Variants in PLEKHM3 observed in about 807,000 individuals in gnomAD.
The protein encoded by PLEKHM3 is pleckstrin homology domain-containing family M member 3.
Under a neutral mutation model 81.8 loss-of-function variants are expected in PLEKHM3, and 45 were observed. That is an observed-to-expected ratio of 0.55 (90% CI 0.43 to 0.71). The LOEUF (loss-of-function observed/expected upper bound fraction) is 0.71. Ranked by LOEUF, PLEKHM3 falls within the 30% of genes least tolerant of loss-of-function variation. The pLI is 0.00. For synonymous variants in PLEKHM3, 352 were observed against 356.4 expected, an observed-to-expected ratio of 0.99 and a Z score of 0.14; for missense variants, 788 against 924.3, an observed-to-expected ratio of 0.85 and a Z score of 1.91.
intron 6 of PLEKHM3, among the ~76,000 whole-genome samples, chr2:207,902,602 A>C (rs1169640623): frequency 6.6e-6 from 1 of 152,194 alleles, no homozygotes; most frequent in African/African-American, 2.4e-5. Context: ...GGAAGTTTAC[A>C]ACACTAAACA....
Position 208,001,613 on chromosome 2 carries a change from G to A in PLEKHM3, c.27C>T (p.Ile9=). The stretch of plus-strand genomic sequence containing the variant: ...CCTCCGTAACTTCTAAGGCTGGGCT[G>A]ATATCATCCACTTCCAAAGCTTCCA... MEALEVDD[I]SPALEVTEEF... The change falls in exon 2 of 8, where the codon ATC becomes ATT. Residue 9 remains isoleucine (I), a synonymous_variant. Transcript: ENST00000427836. 1.2e-6 allele frequency: 2 copies of A among 1,613,924 alleles called. No individual in the cohort carries two copies. The highest frequency in any genetic ancestry group is 1.7e-6 in the Non-Finnish European group (2 of 1,179,930).
intron 7 of PLEKHM3, among the ~76,000 whole-genome samples, chr2:207,848,378 G>GT (rs893775957): frequency 6.6e-5 from 10 of 152,096 alleles, no homozygotes; most frequent in Non-Finnish European, 1.5e-4. Flanking sequence ...TTTTTGGCAG[G>GT]TAAGTAAGTG....
chr2:208,011,824 C>T lies in PLEKHM3; in HGVS notation c.-318-9867G>A, dbSNP rs1159477762. Among the ~76,000 whole-genome samples, 4 of 101,032 alleles carry T rather than the reference C, an allele frequency of 4.0e-5. No homozygotes were observed. The East Asian group carries it at 1.2e-3, about 30-fold the overall frequency. The allele number at this position is 101,032 out of a possible 152,430, so 66.3% of individuals were successfully genotyped here. ...TTTTTTTTTTTTTTTTGAGACGGAG[C>T]TTCACTCTTGTTGCCCAGGCTAGAG... On this transcript the variant is annotated intron_variant, in intron 1 of 7. Transcript: ENST00000427836.
chr2:207,876,875 C>A (rs763352832), intron 6 of PLEKHM3, among the ~76,000 whole-genome samples: 6 of 152,202 alleles, frequency 3.9e-5, no homozygotes, highest in Non-Finnish European at 5.9e-5. Flanking sequence ...CCTTCAGGCA[C>A]ATTTGTAATG....
chr2:207,977,994 G>A (rs1691378331), intron 2 of PLEKHM3, among the ~76,000 whole-genome samples: 1 of 152,200 alleles, frequency 6.6e-6, no homozygotes, highest in Non-Finnish European at 1.5e-5. Context: ...GGCTGAGGTA[G>A]GAGGATCACT....
chr2:207,824,016 G>A lies in PLEKHM3; in HGVS notation c.*4303C>T, dbSNP rs1351626281. On this transcript the variant is annotated 3_prime_UTR_variant, in exon 8 of 8. Transcript: ENST00000427836. ...ACACTTGTCTGTTTACATTAACCGAGCAGAGCTTAGTCACCCATCACTGGA... is the reference window on the plus strand; with the variant it reads ...ACACTTGTCTGTTTACATTAACCGAACAGAGCTTAGTCACCCATCACTGGA... 2 of 152,240 alleles carry A rather than the reference G, an allele frequency of 1.3e-5. No individual in the cohort carries two copies. Among genetic ancestry groups the A allele is most frequent in the African/African-American group, 4.8e-5 (2 of 41,462 alleles). 9.4% of individuals were successfully genotyped at this position (152,240 alleles called of 1,614,324 possible).
chr2:207,971,526 T>A (rs1441081296), intron 3 of PLEKHM3, among the ~76,000 whole-genome samples: 1 of 150,658 alleles, frequency 6.6e-6, no homozygotes, highest in Non-Finnish European at 1.5e-5. Context: ...ATGTACCCCA[T>A]AAAGATGTAT....
chr2:207,837,617 T>C (rs967889526), intron 7 of PLEKHM3, among the ~76,000 whole-genome samples: 5 of 139,144 alleles, frequency 3.6e-5, no homozygotes, highest in Non-Finnish European at 6.1e-5. Flanking sequence ...TAAAATAAAA[T>C]TACAATAGTT....
intron 4 of PLEKHM3, among the ~76,000 whole-genome samples, chr2:207,943,884 A>G (rs1382359600): frequency 6.6e-6 from 1 of 151,520 alleles, no homozygotes; most frequent in Non-Finnish European, 1.5e-5. Context: ...AAAAAAAAAA[A>G]AAAAAAAGAA....
At chr2:208,006,112 T>C (rs762282039) in intron 1 of PLEKHM3, among the ~76,000 whole-genome samples, 1 of 152,204 alleles carries the variant, frequency 6.6e-6, no homozygotes, top group Non-Finnish European at 1.5e-5. Context: ...TTCTTACTTA[T>C]CTTCCTAAAT....
At chr2:207,950,006 T>C (rs1361827595) in intron 3 of PLEKHM3, among the ~76,000 whole-genome samples, 2 of 152,240 alleles carry the variant, frequency 1.3e-5, no homozygotes, top group Non-Finnish European at 2.9e-5. Context: ...AAGCTCACCA[T>C]GCTGGGGGAT....
At chr2:207,936,846 A>AGTGTGTGTGTGTGTGT (rs57642698) in intron 4 of PLEKHM3, among the ~76,000 whole-genome samples, 75 of 146,800 alleles carry the variant, frequency 5.1e-4, no homozygotes, top group African/African-American at 1.8e-3. Context: ...TAGATAAATT[A>AGTGTGTGTGTGTGTGT]GTGTGTGTGT....
chr2:207,971,461 T>C (rs973903527), intron 3 of PLEKHM3, among the ~76,000 whole-genome samples: 1 of 151,996 alleles, frequency 6.6e-6, no homozygotes, highest in Admixed American at 6.6e-5. Flanking sequence ...TTTGAGATAA[T>C]GGATATGCTA....
At position 207,958,783 on chromosome 2, in the gene PLEKHM3, G is replaced by A. The variant is rs140645197; in HGVS notation, c.1547-12271C>T. On this transcript the variant is annotated intron_variant, in intron 3 of 7. Transcript: ENST00000427836. ...AAATTAGCCAGGCATGGTGGCACAC[G>A]CCTATAATCCCAGCCACTTGGGAGG... is the stretch of plus-strand genomic sequence containing the variant. 9.1e-3 allele frequency among the ~76,000 whole-genome samples: 1,385 copies of A among 152,202 alleles called. 50 individuals are homozygous for A. In the East Asian group the frequency reaches 0.098, roughly 11 times the overall value.
rs1342774613 is a variant in PLEKHM3, at chr2:207,825,881, G to A, written c.*2438C>T. The A allele has an allele frequency of 1.3e-5, 2 of 152,186 alleles. No homozygotes were observed. Among genetic ancestry groups the A allele is most frequent in the African/African-American group, 4.8e-5 (2 of 41,414 alleles). 9.4% of individuals were successfully genotyped at this position (152,186 alleles called of 1,614,324 possible). A position where few individuals can be genotyped will look rare whatever the true frequency, so the allele number is the denominator to read the frequency against. ...AAAGTCCTCCTTAGGAGTTCACAGG[G>A]ACTGCTCGTATTTAGCAGGGCCCTC... On this transcript the variant is annotated 3_prime_UTR_variant, in exon 8 of 8. Coordinates refer to ENST00000427836, the MANE Select transcript of PLEKHM3 (RefSeq NM_001080475.3).
intron 6 of PLEKHM3, among the ~76,000 whole-genome samples, chr2:207,877,127 G>A (rs553063316): frequency 4.1e-4 from 62 of 152,144 alleles, no homozygotes; most frequent in Non-Finnish European, 7.8e-4. Context: ...CAATAGGAGG[G>A]CATTCAAAGA....
intron 2 of PLEKHM3, among the ~76,000 whole-genome samples, chr2:207,984,173 C>G (rs979161781): frequency 2.0e-5 from 3 of 152,180 alleles, no homozygotes; most frequent in Non-Finnish European, 2.9e-5. Flanking sequence ...CCTCTTACCC[C>G]TCTCCAACTC....
At chr2:207,912,607 G>C (rs2105907502) in intron 5 of PLEKHM3, among the ~76,000 whole-genome samples, 2 of 152,310 alleles carry the variant, frequency 1.3e-5, no homozygotes, top group South Asian at 4.1e-4. Flanking sequence ...TTTCTCCCTG[G>C]AGGATGGGAG....
At chr2:207,942,952 CATATTTTCACTCAT>C (rs998031432) in intron 4 of PLEKHM3, among the ~76,000 whole-genome samples, 1 of 152,064 alleles carries the variant, frequency 6.6e-6, no homozygotes, top group African/African-American at 2.4e-5. Flanking sequence ...ACAAATATCA[CATATTTTCACTCAT>C]ATGTAGGAGC....
Sources: allele counts gnomAD v4.1 joint callset (sites outside exome capture counted in the v4.1 genomes callset), GRCh38; gene constraint gnomAD v4.1.1; transcripts MANE v1.5; gene names NCBI Gene and HGNC (gene_info 2026-07-23, HGNC 2026-07-21).